The following FMN2 variants were observed in gnomAD, a reference collection of about 807,000 sequenced individuals.
The protein encoded by FMN2 is formin-2.
Under a neutral mutation model 142.3 loss-of-function variants are expected in FMN2, and 51 were observed. The observed-to-expected ratio is 0.36, with a 90% CI of 0.29 to 0.45. The LOEUF is 0.45. FMN2 is among the 20% of genes least tolerant of loss of function. FMN2 has a pLI of 1.00. For synonymous variants in FMN2, 882 were observed against 869.8 expected (o/e 1.01, Z -0.25); for missense variants, 1,936 against 2,122.8 (o/e 0.91, Z 1.73).
chr1:240,145,269 C>A (rs1663394880), intron 2 of FMN2: 1 of 1,439,626 alleles, frequency 6.9e-7, no homozygotes, highest in Non-Finnish European at 9.5e-7. Context: ...TTGTCCCCGG[C>A]ATCCCGCCGC....
chr1:240,148,042 C>T (rs933559783), intron 2 of FMN2, among the ~76,000 whole-genome samples: 2 of 152,186 alleles, frequency 1.3e-5, no homozygotes, highest in African/African-American at 4.8e-5. Context: ...TACAGCTCTG[C>T]TCATGAGAGA....
At chr1:240,428,483 T>A (rs1276810018) in intron 15 of FMN2, among the ~76,000 whole-genome samples, 1 of 152,176 alleles carries the variant, frequency 6.6e-6, no homozygotes. Context: ...TGCCTTGGCA[T>A]CCTTAAGTGT....
chr1:240,277,723 C>T (rs144219059), intron 7 of FMN2, among the ~76,000 whole-genome samples: 19 of 151,606 alleles, frequency 1.3e-4, no homozygotes, highest in South Asian at 1.0e-3. Flanking sequence ...TTAGTAGAGA[C>T]GAGGTTTCAC....
chr1:240,106,717 C>G (rs1301661713), intron 1 of FMN2, among the ~76,000 whole-genome samples: 1 of 150,590 alleles, frequency 6.6e-6, no homozygotes, highest in African/African-American at 2.4e-5. Context: ...AGAGTTTTTG[C>G]TCTTGTTGCT....
intron 6 of FMN2, among the ~76,000 whole-genome samples, chr1:240,255,997 G>C (rs61612587): frequency 6.6e-6 from 1 of 152,234 alleles, no homozygotes; most frequent in East Asian, 1.9e-4. Flanking sequence ...AATGTTAGGA[G>C]CCCTGGAAGA....
At chr1:240,438,840 C>T (rs897882998) in intron 16 of FMN2, among the ~76,000 whole-genome samples, 3 of 152,308 alleles carry the variant, frequency 2.0e-5, no homozygotes, top group East Asian at 1.9e-4. Context: ...CCTCCCAGGG[C>T]GCCATCCCCA....
chr1:240,245,399 AAAG>A (rs1428521017), intron 6 of FMN2: 5 of 418,136 alleles, frequency 1.2e-5, no homozygotes, highest in African/African-American at 4.1e-5. Context: ...GGTGGTAGTG[AAAG>A]AGAAGAATGA....
intron 4 of FMN2, among the ~76,000 whole-genome samples, chr1:240,194,395 C>T (rs187352667): frequency 9.6e-4 from 146 of 152,276 alleles, no homozygotes; most frequent in African/African-American, 3.4e-3. Flanking sequence ...GATTTTATAT[C>T]AGTGGCAACT....
intron 14 of FMN2, among the ~76,000 whole-genome samples, chr1:240,391,072 A>G (rs548752752): frequency 6.6e-6 from 1 of 152,136 alleles, no homozygotes; most frequent in African/African-American, 2.4e-5. Context: ...GTATAAAACA[A>G]TATGTTCGTG....
chr1:240,317,049 G>A (rs113774111), intron 8 of FMN2, among the ~76,000 whole-genome samples: 3,220 of 152,236 alleles, frequency 0.021, 116 homozygotes, highest in African/African-American at 0.073. Context: ...GCTCATGCCT[G>A]TAATCCCAGT....
At chr1:240,447,202 C>T (rs1004871505) in intron 16 of FMN2, among the ~76,000 whole-genome samples, 1 of 152,056 alleles carries the variant, frequency 6.6e-6, no homozygotes, top group Non-Finnish European at 1.5e-5. Flanking sequence ...TGTAATGAGA[C>T]GTTAAGCTCA....
chr1:240,299,004 G>A (rs111967554), intron 8 of FMN2, among the ~76,000 whole-genome samples: 21,586 of 151,490 alleles, frequency 0.14, 1,982 homozygotes, highest in African/African-American at 0.26. Flanking sequence ...AAGCTGGAGT[G>A]CAGTGGCGCA....
intron 2 of FMN2, among the ~76,000 whole-genome samples, chr1:240,146,953 T>A (rs1663508902): frequency 6.6e-6 from 1 of 151,928 alleles, no homozygotes; most frequent in Non-Finnish European, 1.5e-5. Context: ...GTGGATGATG[T>A]TCTCCTCAGG....
chr1:240,240,623 A>T (rs1392879456), intron 6 of FMN2, among the ~76,000 whole-genome samples: 1 of 152,190 alleles, frequency 6.6e-6, no homozygotes, highest in Admixed American at 6.5e-5. Context: ...AAACATTTAG[A>T]TATGGTACTC....
intron 7 of FMN2, among the ~76,000 whole-genome samples, chr1:240,261,679 A>G (rs761853016): frequency 5.3e-5 from 8 of 152,214 alleles, no homozygotes; most frequent in Non-Finnish European, 1.2e-4. Context: ...CATTCTCAGC[A>G]ACACATACAT....
chr1:240,150,469 A>C (rs1262414909), intron 2 of FMN2, among the ~76,000 whole-genome samples: 1 of 152,214 alleles, frequency 6.6e-6, no homozygotes, highest in African/African-American at 2.4e-5. Context: ...AAAACAGGGA[A>C]GGCATATCTT....
At chr1:240,145,740 C>T (rs1269188334) in intron 2 of FMN2, among the ~76,000 whole-genome samples, 2 of 151,602 alleles carry the variant, frequency 1.3e-5, no homozygotes, top group African/African-American at 2.4e-5. Flanking sequence ...GAACTCTTGG[C>T]CTCAAGTGAT....
chr1:240,443,178 A>G (rs145724745), intron 16 of FMN2, among the ~76,000 whole-genome samples: 1 of 152,324 alleles, frequency 6.6e-6, no homozygotes, highest in African/African-American at 2.4e-5. Context: ...TAGACAAAAT[A>G]TCTTGGTTGT....
intron 14 of FMN2, among the ~76,000 whole-genome samples, chr1:240,390,254 A>G (rs186583132): frequency 3.9e-5 from 6 of 152,338 alleles, no homozygotes; most frequent in African/African-American, 1.4e-4. Flanking sequence ...ATAATGTATA[A>G]TAGAGCATTT....
Sources: gnomAD v4.1 joint callset for allele counts (sites outside exome capture counted in the v4.1 genomes callset) on GRCh38, gnomAD v4.1.1 for gene constraint, MANE v1.5 for transcripts, NCBI Gene and HGNC (gene_info 2026-07-23, HGNC 2026-07-21) for gene names.